ADAMTSL1: variants seen among roughly 807,000 people sequenced by gnomAD.
ADAMTSL1 encodes ADAMTS like 1, also known as ADAMTS-like protein 1.
ADAMTSL1 carries 126 observed loss-of-function variants against 201.8 expected under a neutral mutation model. That is an observed-to-expected ratio of 0.62 (90% CI 0.54 to 0.72). The LOEUF (loss-of-function observed/expected upper bound fraction) is 0.72. Among genes scored for constraint, ADAMTSL1 ranks in the 30% least tolerant of loss-of-function variants. The pLI, the probability that ADAMTSL1 is intolerant of heterozygous loss-of-function variation, is 0.00. For synonymous variants in ADAMTSL1, 1,121 were observed against 903.4 expected (o/e 1.24, Z -4.32); for missense variants, 2,679 against 2,277.8 (o/e 1.18, Z -3.59).
intron 6 of ADAMTSL1, among the ~76,000 whole-genome samples, chr9:18,637,474 G>A (rs752402280): frequency 5.3e-5 from 8 of 152,128 alleles, no homozygotes; most frequent in Non-Finnish European, 1.0e-4. Flanking sequence ...ATTTAAGAGG[G>A]AAATTTATTT....
intron 1 of ADAMTSL1, among the ~76,000 whole-genome samples, chr9:18,491,228 T>C (rs560338675): frequency 2.6e-5 from 4 of 152,312 alleles, no homozygotes; most frequent in Non-Finnish European, 4.4e-5. Flanking sequence ...AAAAGATGCC[T>C]GTGGTGTGCC....
intron 1 of ADAMTSL1, among the ~76,000 whole-genome samples, chr9:18,032,176 C>T (rs970127506): frequency 6.6e-6 from 1 of 152,158 alleles, no homozygotes; most frequent in Non-Finnish European, 1.5e-5. Context: ...CTTCCTGGAC[C>T]AGTCTTGCAA....
chr9:18,484,150 C>T (rs543912198), intron 1 of ADAMTSL1, among the ~76,000 whole-genome samples: 46 of 152,318 alleles, frequency 3.0e-4, no homozygotes, highest in African/African-American at 1.0e-3. Context: ...GTGCTAGGTA[C>T]TGGCTATGCT....
chr9:17,915,046 G>A (rs1043617551), intron 1 of ADAMTSL1, among the ~76,000 whole-genome samples: 1 of 151,832 alleles, frequency 6.6e-6, no homozygotes, highest in African/African-American at 2.4e-5. Flanking sequence ...GTTTTGCATT[G>A]TATTGAGGTA....
At chr9:18,334,175 G>A (rs930972804) in intron 2 of ADAMTSL1, among the ~76,000 whole-genome samples, 1 of 152,078 alleles carries the variant, frequency 6.6e-6, no homozygotes, top group Non-Finnish European at 1.5e-5. Context: ...AAAAAAATAT[G>A]GAAAGGGAGA....
chr9:18,612,658 G>T (rs1348721557), intron 4 of ADAMTSL1, among the ~76,000 whole-genome samples: 1 of 152,204 alleles, frequency 6.6e-6, no homozygotes, highest in African/African-American at 2.4e-5. Flanking sequence ...TGGGATAACT[G>T]TCTAGCCATA....
chr9:18,703,699 TAC>T (rs1209847017), intron 13 of ADAMTSL1, among the ~76,000 whole-genome samples: 1 of 103,520 alleles, frequency 9.7e-6, no homozygotes, highest in African/African-American at 3.7e-5. Context: ...CATGCGCACA[TAC>T]ATATATATAT....
At chr9:17,950,536 T>G (rs1688527044) in intron 1 of ADAMTSL1, among the ~76,000 whole-genome samples, 1 of 151,156 alleles carries the variant, frequency 6.6e-6, no homozygotes, top group South Asian at 2.1e-4. Context: ...ATATTTAAAT[T>G]TTATATATTA....
intron 7 of ADAMTSL1, among the ~76,000 whole-genome samples, chr9:18,655,565 G>C (rs943762208): frequency 1.3e-5 from 2 of 151,946 alleles, no homozygotes; most frequent in African/African-American, 2.4e-5. Flanking sequence ...AAGAAGCTAA[G>C]ATTTTTTTCC....
intron 1 of ADAMTSL1, among the ~76,000 whole-genome samples, chr9:17,951,392 T>A (rs771230530): frequency 3.3e-5 from 5 of 152,128 alleles, no homozygotes; most frequent in Non-Finnish European, 5.9e-5. Flanking sequence ...TTTTAAAATT[T>A]TCTGCATATT....
In ADAMTSL1 at chr9:18,897,423, C is replaced by G. The variant is rs190569018; in HGVS notation, c.4851+4827C>G. ...CCCATCCCTCCTGACTGGGTGAGAC[C>G]TCCCAACAGGGGTCTCCAGACACCT... On this transcript the variant is annotated intron_variant, in intron 26 of 28. Coordinates refer to ENST00000380548, the MANE Select transcript of ADAMTSL1 (RefSeq NM_001040272.6). 2.8e-3 allele frequency among the ~76,000 whole-genome samples: 426 copies of G among 152,246 alleles called. 1 individual carries two copies. Among genetic ancestry groups the G allele is most frequent in the African/African-American group, 9.7e-3 (404 of 41,514 alleles).
chr9:17,908,031 C>T (rs1825791767), intron 1 of ADAMTSL1, among the ~76,000 whole-genome samples: 1 of 152,098 alleles, frequency 6.6e-6, no homozygotes, highest in African/African-American at 2.4e-5. Context: ...AACTTGTTTT[C>T]CGATCTCTAT....
Position 18,664,478 on chromosome 9 carries a change from A to G in ADAMTSL1, c.1085+2405A>G, listed in dbSNP as rs577843633. Among the ~76,000 whole-genome samples, 3 of 152,254 alleles carry G rather than the reference A, an allele frequency of 2.0e-5. No homozygotes were observed. In the South Asian group the frequency reaches 6.2e-4, roughly 32 times the overall value. On this transcript the variant is annotated intron_variant, in intron 9 of 28. Coordinates refer to ENST00000380548, the MANE Select transcript of ADAMTSL1 (RefSeq NM_001040272.6). ...TTGTGTCCAAATTTAGAAATTCCCAAAAGGGAAAACCAACGTTCTTGGTAT... is the reference window on the plus strand; with the variant it reads ...TTGTGTCCAAATTTAGAAATTCCCAGAAGGGAAAACCAACGTTCTTGGTAT...
At chr9:18,529,415 T>A (rs961666893) in intron 2 of ADAMTSL1, among the ~76,000 whole-genome samples, 2 of 152,202 alleles carry the variant, frequency 1.3e-5, no homozygotes, top group African/African-American at 2.4e-5. Context: ...TTCTTATTGT[T>A]TGATAGACTT....
intron 1 of ADAMTSL1, among the ~76,000 whole-genome samples, chr9:18,094,168 C>G (rs1430915880): frequency 6.6e-6 from 1 of 152,160 alleles, no homozygotes; most frequent in Non-Finnish European, 1.5e-5. Context: ...ATGCCACTCA[C>G]CATGATGTAA....
intron 2 of ADAMTSL1, among the ~76,000 whole-genome samples, chr9:18,420,857 A>C (rs2133360720): frequency 6.6e-6 from 1 of 152,316 alleles, no homozygotes; most frequent in South Asian, 2.1e-4. Context: ...CCAACTCTGA[A>C]TGGTAATGGG....
At chr9:18,126,244 T>A (rs1257336666) in intron 1 of ADAMTSL1, among the ~76,000 whole-genome samples, 2 of 152,226 alleles carry the variant, frequency 1.3e-5, no homozygotes, top group Non-Finnish European at 2.9e-5. Context: ...TAGTGAATCA[T>A]AACACCGTGA....
At chr9:18,880,508 G>A (rs1003946919) in intron 23 of ADAMTSL1, among the ~76,000 whole-genome samples, 6 of 152,172 alleles carry the variant, frequency 3.9e-5, no homozygotes, top group African/African-American at 1.4e-4. Context: ...CAGGTGCATT[G>A]TCAATAACCA....
At chr9:17,969,068 A>G (rs2840773) in intron 1 of ADAMTSL1, among the ~76,000 whole-genome samples, 120,441 of 151,870 alleles carry the variant, frequency 0.79, 48,580 homozygotes, top group East Asian at 0.94. Context: ...CTCCTGATTC[A>G]ATTACATTAT....
Sources: gnomAD v4.1 joint callset for allele counts (sites outside exome capture counted in the v4.1 genomes callset) on GRCh38, gnomAD v4.1.1 for gene constraint, MANE v1.5 for transcripts, NCBI Gene and HGNC (gene_info 2026-07-23, HGNC 2026-07-21) for gene names.